The following TACC2 variants were observed in gnomAD, a reference collection of about 807,000 sequenced individuals.
TACC2 encodes the protein transforming acidic coiled-coil-containing protein 2.
TACC2 carries 137 observed loss-of-function variants against 227.3 expected under a neutral mutation model. That is an observed-to-expected ratio of 0.60 (90% CI 0.52 to 0.69). TACC2 has a LOEUF of 0.69. TACC2 is among the 30% of genes least tolerant of loss of function. The pLI is 0.00. For synonymous variants in TACC2, 1,523 were observed against 1,487.5 expected (o/e 1.02, Z -0.55); for missense variants, 3,470 against 3,694.4 (o/e 0.94, Z 1.57).
At chr10:122,120,707 G>C (rs567464788) in intron 5 of TACC2, among the ~76,000 whole-genome samples, 1 of 152,204 alleles carries the variant, frequency 6.6e-6, no homozygotes, top group Non-Finnish European at 1.5e-5. Flanking sequence ...CGCATGCTAG[G>C]TGCTCATAAA....
chr10:122,060,771 A>AACCTG (rs1409256085), intron 3 of TACC2, among the ~76,000 whole-genome samples: 1 of 150,570 alleles, frequency 6.6e-6, no homozygotes, highest in African/African-American at 2.5e-5. Context: ...TTGGGAGGCC[A>AACCTG]AGGTGGGCGG....
intron 10 of TACC2, 141 bp downstream of exon 10, chr10:122,215,592 G>A (rs912166819): frequency 2.5e-5 from 18 of 729,224 alleles, no homozygotes; most frequent in South Asian, 1.9e-4. Context: ...AGGGTCCCTC[G>A]ATGTTTGCTT....
At chr10:122,049,982 C>T (rs1002320787) in intron 2 of TACC2, among the ~76,000 whole-genome samples, 15 of 152,072 alleles carry the variant, frequency 9.9e-5, no homozygotes, top group African/African-American at 2.7e-4. Flanking sequence ...TTTCTTCTTC[C>T]GGTTAGTTTT....
At chr10:122,162,698 G>A (rs193170991) in intron 7 of TACC2, among the ~76,000 whole-genome samples, 1 of 152,294 alleles carries the variant, frequency 6.6e-6, no homozygotes, top group African/African-American at 2.4e-5. Flanking sequence ...CAGGGATTTG[G>A]CTGCTGATGG....
intron 5 of TACC2, among the ~76,000 whole-genome samples, chr10:122,130,039 C>G (rs536078271): frequency 6.6e-6 from 1 of 152,318 alleles, no homozygotes; most frequent in Admixed American, 6.5e-5. Flanking sequence ...CCTCTGTCAC[C>G]CAGGCTGGAG....
At position 122,050,590 on chromosome 10, in the gene TACC2, C is replaced by A. The variant is rs75188983; in HGVS notation, c.146+40C>A. 1 of 1,507,182 alleles carries A rather than the reference C, an allele frequency of 6.6e-7. No individual in the cohort carries two copies. Among genetic ancestry groups the A allele is most frequent in the Non-Finnish European group, 9.2e-7 (1 of 1,087,118 alleles). 93.4% of individuals were successfully genotyped at this position (1,507,182 alleles called of 1,614,324 possible). A position where few individuals can be genotyped will look rare whatever the true frequency, so the allele number is the denominator to read the frequency against. ...CTGGAGGACTGATGCAGCCCAAGGA[C>A]TGCCCCGCTCATTGCCTGCTCCAGC... On this transcript the variant is annotated intron_variant, in intron 3 of 22. Coordinates refer to ENST00000369005, the MANE Select transcript of TACC2 (RefSeq NM_206862.4). The surrounding 1 kb of genome is among the most constrained non-coding windows in gnomAD (Gnocchi z 4.6).
At chr10:122,036,592 C>G (rs58271323) in intron 2 of TACC2, among the ~76,000 whole-genome samples, 13,833 of 150,990 alleles carry the variant, frequency 0.092, 765 homozygotes, top group South Asian at 0.18. Context: ...CCTCCATCTC[C>G]CAAGTTCAAG....
chr10:122,132,032 AAAAG>A (rs1555058736), intron 5 of TACC2, among the ~76,000 whole-genome samples: 7 of 30,272 alleles, frequency 2.3e-4, no homozygotes, highest in African/African-American at 6.1e-4. Context: ...AAAAGAAAGA[AAAAG>A]AAAGAAAGAA....
At chr10:122,229,678 TGATTA>T (rs2095697644) in intron 15 of TACC2, among the ~76,000 whole-genome samples, 192 bp downstream of exon 15, 2 of 152,188 alleles carry the variant, frequency 1.3e-5, no homozygotes, top group Non-Finnish European at 2.9e-5. Flanking sequence ...GTAAATTGTG[TGATTA>T]CATATTGAAC....
chr10:122,196,716 C>T (rs190730990), intron 8 of TACC2, among the ~76,000 whole-genome samples: 2 of 152,210 alleles, frequency 1.3e-5, no homozygotes, highest in East Asian at 3.9e-4. Flanking sequence ...GCGGGCAGAT[C>T]ATGAGGTCAG....
chr10:122,253,617 G>A (rs1247275207), intron 22 of TACC2, among the ~76,000 whole-genome samples: 1 of 152,126 alleles, frequency 6.6e-6, no homozygotes, highest in Non-Finnish European at 1.5e-5. Context: ...TACCCCAGAC[G>A]CTCCTCACCT....
intron 2 of TACC2, among the ~76,000 whole-genome samples, chr10:122,041,276 A>G (rs1256788126): frequency 2.0e-5 from 3 of 152,264 alleles, no homozygotes; most frequent in East Asian, 3.9e-4. Context: ...TCAGCATTAC[A>G]GCAACACTCA....
intron 8 of TACC2, among the ~76,000 whole-genome samples, chr10:122,203,985 G>A (rs964245739): frequency 4.6e-5 from 7 of 151,178 alleles, no homozygotes; most frequent in Admixed American, 2.0e-4. Flanking sequence ...GCGAAACCCT[G>A]TCTCCACCAA....
intron 2 of TACC2, among the ~76,000 whole-genome samples, chr10:122,042,039 A>G (rs1359057180): frequency 1.1e-4 from 17 of 151,154 alleles, no homozygotes; most frequent in East Asian, 2.0e-4. Context: ...TCCACCTCCC[A>G]GGTTCACGCC....
At chr10:122,131,169 C>T (rs903074745) in intron 5 of TACC2, among the ~76,000 whole-genome samples, 5 of 104,574 alleles carry the variant, frequency 4.8e-5, no homozygotes, top group African/African-American at 7.9e-5. Context: ...CAGAGGGAGA[C>T]GCTTTCTCAA....
intron 3 of TACC2, chr10:122,051,505 A>G (rs2075680666): frequency 6.6e-6 from 1 of 152,104 alleles, no homozygotes; most frequent in Non-Finnish European, 1.5e-5. Flanking sequence ...CAGCATGGAC[A>G]CAGGCCAGGC....
At position 122,082,752 on chromosome 10, in the gene TACC2, ACAGGGAGC is replaced by A; in HGVS notation, c.258_265del (p.Gly89ArgfsTer39). On this transcript the variant is annotated frameshift_variant, in exon 4 of 23. Coordinates refer to ENST00000369005, the MANE Select transcript of TACC2 (RefSeq NM_206862.4). LOFTEE classifies it high-confidence loss of function. Reference sequence around the variant, plus strand: ...AGGTGACTGAGCCAAGGAAGGACCCACAGGGAGCCAGGGGGCCAGAAGGTTCTTTGCTG... The same window carrying A: ...AGGTGACTGAGCCAAGGAAGGACCCACAGGGGGCCAGAAGGTTCTTTGCTG... The A allele has an allele frequency of 6.2e-7, 1 of 1,614,026 alleles. No individual in the cohort carries two copies. The highest frequency in any genetic ancestry group is 8.5e-7 in the Non-Finnish European group (1 of 1,180,012).
chr10:122,026,649 A>G (rs1179338229), intron 2 of TACC2, among the ~76,000 whole-genome samples: 1 of 152,014 alleles, frequency 6.6e-6, no homozygotes, highest in Admixed American at 6.6e-5. Flanking sequence ...ACACCTCTCA[A>G]TCCCTGGCAA....
intron 3 of TACC2, among the ~76,000 whole-genome samples, chr10:122,072,130 C>T (rs2078150665): frequency 2.0e-5 from 3 of 151,662 alleles, no homozygotes; most frequent in African/African-American, 7.3e-5. Flanking sequence ...AGGCGCCTGC[C>T]ACTATGCCCG....
Sources: gnomAD v4.1 joint callset for allele counts (sites outside exome capture counted in the v4.1 genomes callset) on GRCh38, gnomAD v4.1.1 for gene constraint, Gnocchi (gnomAD v3.1) non-coding constraint, MANE v1.5 for transcripts, NCBI Gene and HGNC (gene_info 2026-07-23, HGNC 2026-07-21) for gene names.